The following SLC16A1 variants were observed in gnomAD, a reference collection of about 807,000 sequenced individuals.
SLC16A1 encodes the protein solute carrier family 16 member 1, also known as monocarboxylate transporter 1.
In SLC16A1, 11 loss-of-function variants were observed where a neutral mutation model predicts 32.2. That is an observed-to-expected ratio of 0.34 (90% confidence interval 0.21 to 0.56). SLC16A1 has a LOEUF of 0.56. Among genes scored for constraint, SLC16A1 ranks in the 20% least tolerant of loss-of-function variants. The probability of loss-of-function intolerance (pLI) is 0.87; values close to 1 mark genes in which losing one functional copy is unlikely to be tolerated. For missense variants in SLC16A1, 435 were observed against 615.0 expected, an observed-to-expected ratio of 0.71 and a Z score of 3.10; for synonymous variants, 231 against 226.8, an observed-to-expected ratio of 1.02 and a Z score of -0.17.
chr1:112,944,791 C>G (rs141811447), intron 1 of SLC16A1, among the ~76,000 whole-genome samples: 1 of 152,218 alleles, frequency 6.6e-6, no homozygotes, highest in Non-Finnish European at 1.5e-5. Context: ...ATCCCAGGTT[C>G]AAGCCATTCT....
At chr1:112,953,419 T>C (rs1649968272) in intron 1 of SLC16A1, among the ~76,000 whole-genome samples, 1 of 152,202 alleles carries the variant, frequency 6.6e-6, no homozygotes, top group South Asian at 2.1e-4. Context: ...CGCCTTGGCC[T>C]CCCAAAGTGT....
chr1:112,949,040 T>C (rs1649799869), intron 1 of SLC16A1, among the ~76,000 whole-genome samples: 1 of 151,724 alleles, frequency 6.6e-6, no homozygotes, highest in African/African-American at 2.4e-5. Flanking sequence ...TTTTTAGTAG[T>C]AGAGACAGGG....
At chr1:112,953,858 C>A (rs553193819) in intron 1 of SLC16A1, among the ~76,000 whole-genome samples, 8 of 152,202 alleles carry the variant, frequency 5.3e-5, no homozygotes, top group Non-Finnish European at 1.0e-4. Flanking sequence ...TGGGTGTCTT[C>A]TCACACCTAC....
At chr1:112,930,065 C>T (rs1312783875) in intron 1 of SLC16A1, among the ~76,000 whole-genome samples, 3 of 152,132 alleles carry the variant, frequency 2.0e-5, no homozygotes, top group Non-Finnish European at 2.9e-5. Context: ...TATTAGTAAG[C>T]GTTTCCCTGA....
rs1327755032 is a variant in SLC16A1, at chr1:112,914,001, C to T, written c.1393G>A (p.Glu465Lys). 6.2e-7 allele frequency: 1 copy of T among 1,614,066 alleles called. No homozygotes were observed. Among genetic ancestry groups the T allele is most frequent in the African/African-American group, 1.3e-5 (1 of 74,932 alleles). ...TTCCCAGCAACATCTATACTGGTCT[C>T]TTCCTCTTTACTTTCCTTTTTCTGC... ...NEQKKESKEEETSIDVAGKPN... is the reference protein window; with the variant it reads ...NEQKKESKEEKTSIDVAGKPN... Residue 465 changes from glutamate (E) to lysine (K), a missense_variant, in exon 5 of 5, where the codon GAG becomes AAG. This residue lies in a region of SLC16A1 where 111 missense variants were observed against 114.7 expected (regional missense o/e 0.97). Transcript: ENST00000369626.
At chr1:112,918,902 T>C (rs763486361) in intron 3 of SLC16A1, among the ~76,000 whole-genome samples, 7 of 152,162 alleles carry the variant, frequency 4.6e-5, no homozygotes, top group Non-Finnish European at 7.4e-5. Flanking sequence ...ACTCCAATTG[T>C]GAAACTTTCC....
chr1:112,955,093 A>T (rs1257572207), intron 1 of SLC16A1, among the ~76,000 whole-genome samples: 1 of 152,204 alleles, frequency 6.6e-6, no homozygotes, highest in Non-Finnish European at 1.5e-5. Context: ...TTTTACTGTT[A>T]TCAGTAGCAG....
intron 3 of SLC16A1, among the ~76,000 whole-genome samples, chr1:112,921,157 G>C (rs199814001): frequency 6.9e-6 from 1 of 145,784 alleles, no homozygotes; most frequent in South Asian, 2.2e-4. Context: ...AAAAAAAAAA[G>C]AAAAGAAAAT....
chr1:112,942,752 AATTT>A (rs1649551463), intron 1 of SLC16A1, among the ~76,000 whole-genome samples: 1 of 152,216 alleles, frequency 6.6e-6, no homozygotes, highest in South Asian at 2.1e-4. Flanking sequence ...AATTCCAATT[AATTT>A]GACTTGACTT....
rs76202906 is a variant in SLC16A1, at chr1:112,934,209, C to A, written c.-44-4857G>T. On this transcript the variant is annotated intron_variant, in intron 1 of 4. Transcript: ENST00000369626. ...AACCCAAAATCTGAAACTTTCTGAA[C>A]ACCAGCATGATGCTCAAAGAAAATA... Among the ~76,000 whole-genome samples the A allele has an allele frequency of 6.9e-3, 1,055 of 152,316 alleles. 4 individuals carry two copies. The highest frequency in any genetic ancestry group is 0.014 in the Middle Eastern group (4 of 294).
intron 2 of SLC16A1, 94 bp from the exon 3 acceptor site, chr1:112,922,227 TAAAC>T: frequency 8.5e-7 from 1 of 1,183,232 alleles, no homozygotes. Context: ...TCCTCCAAAA[TAAAC>T]AAGCAGCAAT....
At chr1:112,932,793 CAA>C (rs34232032) in intron 1 of SLC16A1, among the ~76,000 whole-genome samples, 7 of 57,110 alleles carry the variant, frequency 1.2e-4, no homozygotes, top group Admixed American at 5.0e-4. Context: ...GACTCCGTCG[CAA>C]AAAAAAAAAA....
chr1:112,915,495 A>G (rs1332748529), intron 4 of SLC16A1, among the ~76,000 whole-genome samples: 1 of 152,222 alleles, frequency 6.6e-6, no homozygotes, highest in Admixed American at 6.5e-5. Context: ...CTTGCAAGCC[A>G]CATTAGGGAA....
intron 3 of SLC16A1, among the ~76,000 whole-genome samples, chr1:112,919,959 CTG>C (rs1437021595): frequency 2.0e-5 from 3 of 152,106 alleles, no homozygotes; most frequent in Non-Finnish European, 4.4e-5. Flanking sequence ...ATGAGTTGTA[CTG>C]TTTGTCTCCT....
rs1326311772 is a variant in SLC16A1 at position 112,929,320 on chromosome 1, A to G, written c.-12T>C. ...ACTGCTGGTGGCATTTTAAGTGTAG[A>G]TAAATTCCAAAATGCAGGTCAAATC... On this transcript the variant is annotated 5_prime_UTR_variant, in exon 2 of 5. Transcript: ENST00000369626. 2 of 1,610,694 alleles carry G rather than the reference A, an allele frequency of 1.2e-6. No homozygotes were observed. Among genetic ancestry groups the G allele is most frequent in the Non-Finnish European group, 1.7e-6 (2 of 1,177,524 alleles).
At chr1:112,932,604 C>T (rs1011006681) in intron 1 of SLC16A1, among the ~76,000 whole-genome samples, 2 of 151,638 alleles carry the variant, frequency 1.3e-5, no homozygotes, top group African/African-American at 4.9e-5. Flanking sequence ...GAATCCAAAA[C>T]CAGCCTGGCC....
At chr1:112,939,648 A>G (rs1351111773) in intron 1 of SLC16A1, among the ~76,000 whole-genome samples, 1 of 152,006 alleles carries the variant, frequency 6.6e-6, no homozygotes, top group Non-Finnish European at 1.5e-5. Context: ...TGGGATTACA[A>G]GCATGTGCCA....
chr1:112,941,653 A>C (rs960737807), intron 1 of SLC16A1, among the ~76,000 whole-genome samples: 5 of 152,194 alleles, frequency 3.3e-5, no homozygotes, highest in Admixed American at 6.5e-5. Context: ...AATTTGTCCA[A>C]AGTTTTTCCT....
intron 1 of SLC16A1, among the ~76,000 whole-genome samples, chr1:112,944,699 A>T (rs887866583): frequency 6.6e-6 from 1 of 152,044 alleles, no homozygotes; most frequent in African/African-American, 2.4e-5. Context: ...AATATCAGAA[A>T]CTTCCTTTTT....
Sources: gnomAD v4.1 joint callset for allele counts (sites outside exome capture counted in the v4.1 genomes callset) on GRCh38, gnomAD v4.1.1 for gene constraint, gnomAD v4.1.1 regional missense constraint, MANE v1.5 for transcripts, NCBI Gene and HGNC (gene_info 2026-07-23, HGNC 2026-07-21) for gene names.